Variants in CADM2 observed in about 807,000 individuals in gnomAD.
CADM2 encodes immunoglobulin superfamily member 4D.
Under a neutral mutation model 49.8 loss-of-function variants are expected in CADM2, and 12 were observed. The ratio of observed to expected loss-of-function variants is 0.24; its 90% CI spans 0.15 to 0.39. The LOEUF is 0.39. CADM2 is among the 10% of genes least tolerant of loss of function. The pLI is 1.00. For missense variants in CADM2, 378 were observed against 492.3 expected, an observed-to-expected ratio of 0.77 and a Z score of 2.20; for synonymous variants, 214 against 175.4, an observed-to-expected ratio of 1.22 and a Z score of -1.74.
rs1052766433 is a variant in CADM2 at position 85,500,978 on chromosome 3, A to C, written c.62-225544A>C. On this transcript the variant is annotated intron_variant, in intron 1 of 9. Transcript: ENST00000383699. ...CATTTCCCTCATTCAATTTCTGTGGATATATGTGAAAACATAGCCAAAGAT... is the reference window on the plus strand; with the variant it reads ...CATTTCCCTCATTCAATTTCTGTGGCTATATGTGAAAACATAGCCAAAGAT... Among the ~76,000 whole-genome samples the C allele has an allele frequency of 3.3e-5, 5 of 152,286 alleles. No individual in the cohort carries two copies. In the South Asian group the frequency reaches 1.0e-3, roughly 32 times the overall value.
chr3:85,431,167 C>A (rs761998686), intron 1 of CADM2, among the ~76,000 whole-genome samples: 1 of 152,016 alleles, frequency 6.6e-6, no homozygotes, highest in Non-Finnish European at 1.5e-5. Flanking sequence ...AGGTTTGTAC[C>A]TAGAAGCAAT....
chr3:85,521,587 TAAAGATTAAC>T (rs1479154552), intron 1 of CADM2, among the ~76,000 whole-genome samples: 6 of 152,286 alleles, frequency 3.9e-5, no homozygotes, highest in Non-Finnish European at 8.8e-5. Context: ...GAAAAGTAAT[TAAAGATTAAC>T]AAAAGTAAGC....
chr3:85,820,403 A>G (rs1323861859), intron 3 of CADM2, among the ~76,000 whole-genome samples: 1 of 152,182 alleles, frequency 6.6e-6, no homozygotes, highest in East Asian at 1.9e-4. Flanking sequence ...GAGCTATTGC[A>G]TTAATCCAAG....
chr3:84,999,309 T>C (rs1175250243), intron 1 of CADM2, among the ~76,000 whole-genome samples: 1 of 152,168 alleles, frequency 6.6e-6, no homozygotes, highest in Non-Finnish European at 1.5e-5. Flanking sequence ...AACCAATCAA[T>C]ATATAACCTT....
At chr3:85,099,077 G>T (rs981171539) in intron 1 of CADM2, among the ~76,000 whole-genome samples, 1 of 152,110 alleles carries the variant, frequency 6.6e-6, no homozygotes, top group Non-Finnish European at 1.5e-5. Flanking sequence ...ATAGAACAGA[G>T]AATGTATACA....
Position 85,906,299 on chromosome 3 carries a change from G to A in CADM2, c.530-6074G>A, listed in dbSNP as rs181468126. Among the ~76,000 whole-genome samples the A allele has an allele frequency of 2.0e-5, 3 of 152,218 alleles. No homozygotes were observed. The East Asian group carries it at 5.8e-4, about 29-fold the overall frequency. On this transcript the variant is annotated intron_variant, in intron 5 of 9. Transcript: ENST00000383699. ...GGTTCTTGTAGCACCTCTCAATGTA[G>A]ATCTGCGAAATAACATTTAAGATAC...
At chr3:85,457,977 A>C (rs1191171635) in intron 1 of CADM2, among the ~76,000 whole-genome samples, 3 of 104,462 alleles carry the variant, frequency 2.9e-5, no homozygotes, top group Non-Finnish European at 7.1e-5. Flanking sequence ...AATTTAAGTT[A>C]CTCAGGAATA....
chr3:85,742,076 T>C (rs750675486), intron 2 of CADM2, among the ~76,000 whole-genome samples: 1 of 152,230 alleles, frequency 6.6e-6, no homozygotes, highest in Non-Finnish European at 1.5e-5. Flanking sequence ...TTTCCAGCAG[T>C]ACCTAACGCT....
Position 85,347,100 on chromosome 3 carries a change from G to A in CADM2, c.62-379422G>A, listed in dbSNP as rs555310929. On this transcript the variant is annotated intron_variant, in intron 1 of 9. Coordinates refer to ENST00000383699, the MANE Select transcript of CADM2 (RefSeq NM_001167675.2). ...TAGCCAGGTATGGTGGTGCATGCCT[G>A]TGATCCGAGCTACTCTGGAGGCTGA... 1.6e-3 allele frequency among the ~76,000 whole-genome samples: 237 copies of A among 151,960 alleles called. 1 individual carries two copies. The highest frequency in any genetic ancestry group is 5.2e-3 in the African/African-American group (217 of 41,474).
chr3:85,798,745 C>G (rs1467699950), intron 2 of CADM2, among the ~76,000 whole-genome samples: 1 of 151,954 alleles, frequency 6.6e-6, no homozygotes, highest in Non-Finnish European at 1.5e-5. Flanking sequence ...TTGTCTTGGC[C>G]ATATGGGCTC....
At chr3:85,229,369 C>T (rs1285524634) in intron 1 of CADM2, among the ~76,000 whole-genome samples, 1 of 152,154 alleles carries the variant, frequency 6.6e-6, no homozygotes, top group Non-Finnish European at 1.5e-5. Context: ...TCACGGCTTC[C>T]CTTGGCTAGG....
chr3:85,481,774 A>G (rs542706839), intron 1 of CADM2, among the ~76,000 whole-genome samples: 2 of 150,520 alleles, frequency 1.3e-5, no homozygotes, highest in Non-Finnish European at 3.0e-5. Context: ...TCAAAGTGAA[A>G]CTTTCTTTTT....
chr3:85,483,272 C>T (rs1488703802), intron 1 of CADM2, among the ~76,000 whole-genome samples: 1 of 151,114 alleles, frequency 6.6e-6, no homozygotes, highest in East Asian at 1.9e-4. Flanking sequence ...ACAATGTTAC[C>T]TGGTAAGTTT....
chr3:85,913,852 G>A (rs907057679), intron 6 of CADM2, among the ~76,000 whole-genome samples: 1 of 152,148 alleles, frequency 6.6e-6, no homozygotes, highest in Non-Finnish European at 1.5e-5. Context: ...AGGAAAGTGA[G>A]TATGTGTGTT....
intron 5 of CADM2, among the ~76,000 whole-genome samples, chr3:85,912,144 A>C (rs1046952437): frequency 6.6e-6 from 1 of 151,900 alleles, no homozygotes; most frequent in African/African-American, 2.4e-5. Context: ...ACGGGGTTTC[A>C]CCGTGTTAGC....
At chr3:85,542,221 T>C (rs1056121125) in intron 1 of CADM2, among the ~76,000 whole-genome samples, 1 of 152,240 alleles carries the variant, frequency 6.6e-6, no homozygotes, top group East Asian at 1.9e-4. Flanking sequence ...GCCAGCTCTC[T>C]CGGTCCCTCA....
chr3:85,056,260 A>G (rs2036076056), intron 1 of CADM2, among the ~76,000 whole-genome samples: 1 of 152,080 alleles, frequency 6.6e-6, no homozygotes, highest in Non-Finnish European at 1.5e-5. Flanking sequence ...GAGAGTGGAC[A>G]GTGTGGGGCA....
intron 2 of CADM2, among the ~76,000 whole-genome samples, chr3:85,783,159 AC>A (rs2070760367): frequency 6.6e-6 from 1 of 152,158 alleles, no homozygotes; most frequent in South Asian, 2.1e-4. Context: ...ATATTCAGAC[AC>A]TTTTTTGTTT....
intron 3 of CADM2, among the ~76,000 whole-genome samples, chr3:85,872,407 C>G: frequency 6.6e-6 from 1 of 151,782 alleles, no homozygotes; most frequent in Admixed American, 6.6e-5. Context: ...TTGTGAATTT[C>G]ACATGTGTCT....
Sources: gnomAD v4.1 joint callset for allele counts (sites outside exome capture counted in the v4.1 genomes callset) on GRCh38, gnomAD v4.1.1 for gene constraint, MANE v1.5 for transcripts, NCBI Gene and HGNC (gene_info 2026-07-23, HGNC 2026-07-21) for gene names.